NPAS3: variants seen among roughly 807,000 people sequenced by gnomAD.
NPAS3 encodes the protein neuronal PAS domain-containing protein 3.
In NPAS3, 14 loss-of-function variants were observed where a neutral mutation model predicts 73.1. The observed-to-expected ratio is 0.19, with a 90% CI of 0.13 to 0.30. NPAS3 has a LOEUF of 0.30. NPAS3 is among the 10% of genes least tolerant of loss of function. The pLI is 1.00. For missense variants in NPAS3, 1,096 were observed against 1,250.0 expected, an observed-to-expected ratio of 0.88 and a Z score of 1.86; for synonymous variants, 620 against 541.5, an observed-to-expected ratio of 1.14 and a Z score of -2.01.
chr14:33,318,272 G>A (rs1258749025), intron 3 of NPAS3, among the ~76,000 whole-genome samples: 1 of 152,082 alleles, frequency 6.6e-6, no homozygotes, highest in Admixed American at 6.6e-5. Context: ...GATTTTGTCT[G>A]TATAAGGGAC....
intron 3 of NPAS3, among the ~76,000 whole-genome samples, chr14:33,301,334 T>A (rs977534203): frequency 1.1e-4 from 8 of 75,196 alleles, no homozygotes; most frequent in Non-Finnish European, 1.9e-4. Flanking sequence ...TTTTTTTTTT[T>A]AAATCTAGCT....
rs951929096 is a variant in NPAS3, at chr14:33,343,043, C to T, written c.386-24143C>T. ...CTCTTCTAATCTTCTCCCTGGATTT[C>T]TATCTTCAATTCCATTTCAGACAGT... On this transcript the variant is annotated intron_variant, in intron 3 of 11. Transcript: ENST00000356141. Among the ~76,000 whole-genome samples, 5 of 152,202 alleles carry T rather than the reference C, an allele frequency of 3.3e-5. No individual in the cohort carries two copies. In the East Asian group the frequency reaches 7.7e-4, roughly 23 times the overall value.
At chr14:32,975,944 C>A (rs895756542) in intron 1 of NPAS3, among the ~76,000 whole-genome samples, 3 of 151,746 alleles carry the variant, frequency 2.0e-5, no homozygotes, top group African/African-American at 7.3e-5. Flanking sequence ...CTGAACCACC[C>A]TAACCTTAGA....
intron 3 of NPAS3, among the ~76,000 whole-genome samples, chr14:33,292,560 A>G (rs2042143392): frequency 1.3e-5 from 2 of 152,098 alleles, no homozygotes; most frequent in Admixed American, 6.6e-5. Context: ...TGTTTTACAG[A>G]AAAAAAATTT....
chr14:33,487,134 C>T (rs2051645915), intron 4 of NPAS3, among the ~76,000 whole-genome samples: 1 of 152,116 alleles, frequency 6.6e-6, no homozygotes. Flanking sequence ...TTTCAGACTT[C>T]TTGGCCAGGG....
intron 4 of NPAS3, among the ~76,000 whole-genome samples, chr14:33,500,209 T>C (rs1447907005): frequency 6.6e-6 from 1 of 151,832 alleles, no homozygotes; most frequent in Non-Finnish European, 1.5e-5. Context: ...AGAAATGCAA[T>C]ACCACGTAAA....
chr14:33,118,768 T>C (rs116282885), intron 2 of NPAS3, among the ~76,000 whole-genome samples: 2,107 of 152,146 alleles, frequency 0.014, 54 homozygotes, highest in African/African-American at 0.048. Flanking sequence ...TGCTGTGGAT[T>C]TGAAAATAAG....
chr14:33,605,253 G>A (rs2057519802), intron 5 of NPAS3, among the ~76,000 whole-genome samples: 1 of 151,886 alleles, frequency 6.6e-6, no homozygotes, highest in Non-Finnish European at 1.5e-5. Flanking sequence ...CATACTCAGT[G>A]GTGAAAAACG....
chr14:33,422,675 A>G (rs1005759086), intron 4 of NPAS3, among the ~76,000 whole-genome samples: 5 of 151,982 alleles, frequency 3.3e-5, no homozygotes, highest in African/African-American at 1.2e-4. Flanking sequence ...GTAAGAGTAG[A>G]CACTCAAAAT....
rs546196838 is a variant in NPAS3, at chr14:33,460,385, A to G, written c.468+93117A>G. ...GGCTACCAACATTAAAAGAAGTACT[A>G]TAACTCCAAGTTTCTGTCTCTGTTT... On this transcript the variant is annotated intron_variant, in intron 4 of 11. Transcript: ENST00000356141. Among the ~76,000 whole-genome samples the G allele has an allele frequency of 2.6e-5, 4 of 152,304 alleles. No individual in the cohort carries two copies. The South Asian group carries it at 8.3e-4, about 32-fold the overall frequency.
chr14:33,641,464 CTCTTAAGTTTG>C (rs1356790940), intron 5 of NPAS3, among the ~76,000 whole-genome samples: 1 of 152,156 alleles, frequency 6.6e-6, no homozygotes, highest in African/African-American at 2.4e-5. Flanking sequence ...CAAAATTTAA[CTCTTAAGTTTG>C]TCATGTAACA....
At chr14:33,187,770 A>G (rs531642310) in intron 2 of NPAS3, among the ~76,000 whole-genome samples, 5 of 152,160 alleles carry the variant, frequency 3.3e-5, no homozygotes, top group African/African-American at 9.6e-5. Flanking sequence ...AGATTATTAA[A>G]TTAATATCTA....
At chr14:32,936,543 TCTGGCGGTCACTTTAA>T (rs2138998866), upstream of NPAS3, among the ~76,000 whole-genome samples, 1 of 152,286 alleles carries the variant, frequency 6.6e-6, no homozygotes, top group East Asian at 1.9e-4. Context: ...GACAATAGTA[TCTGGCGGTCACTTTAA>T]CTAGGAAGTG....
upstream of NPAS3, among the ~76,000 whole-genome samples, chr14:32,936,884 C>T (rs1287278374): frequency 6.6e-6 from 1 of 151,580 alleles, no homozygotes. Flanking sequence ...TGAATTTGGG[C>T]ACCTTATGAA....
chr14:33,055,791 G>GGTGGT, intron 1 of NPAS3, 114 bp from the exon 2 acceptor site: 1 of 448,176 alleles, frequency 2.2e-6, no homozygotes, highest in East Asian at 3.6e-5. Context: ...TGTGTGTAGA[G>GGTGGT]CTCAAAAGCG....
chr14:33,671,920 G>T (rs1428348981), intron 5 of NPAS3, among the ~76,000 whole-genome samples: 2 of 152,154 alleles, frequency 1.3e-5, no homozygotes, highest in African/African-American at 4.8e-5. Context: ...ATTGGAGGGG[G>T]GAAAGCTCTA....
Position 33,800,078 on chromosome 14 carries a change from G to A in NPAS3, c.1771G>A (p.Ala591Thr), listed in dbSNP as rs993224338. The change falls in exon 12 of 12, where the codon GCG (alanine) becomes ACG (threonine). Residue 591 changes from alanine to threonine, a missense_variant. Ala to Thr is a moderately conservative substitution (Grantham distance 58, BLOSUM62 0). Around this residue, in one of 5 missense-constraint regions of NPAS3, gnomAD observed 698 missense variants for 676.7 expected, o/e 1.03. Transcript: ENST00000356141. The surrounding 1 kb of genome is among the most constrained non-coding windows in gnomAD (Gnocchi z 6.5). ...CTCGGACAGCGCAGGCGAGGCGGGC[G>A]CGCAGGCCTCCAGCAAGCACCAGAA... 1.9e-6 allele frequency: 3 copies of A among 1,597,110 alleles called. No homozygotes were observed. The highest frequency in any genetic ancestry group is 2.3e-5 in the East Asian group (1 of 44,440).
chr14:33,342,197 C>T (rs926051203), intron 3 of NPAS3, among the ~76,000 whole-genome samples: 3 of 152,160 alleles, frequency 2.0e-5, no homozygotes, highest in African/African-American at 7.2e-5. Context: ...GGAGAAAGAG[C>T]TTGTGGAAGC....
At chr14:33,188,135 G>A (rs760816444) in intron 2 of NPAS3, among the ~76,000 whole-genome samples, 7 of 152,168 alleles carry the variant, frequency 4.6e-5, no homozygotes, top group Non-Finnish European at 7.3e-5. Flanking sequence ...TCCTAATGTC[G>A]CTGTGAGGAT....
Sources: gnomAD v4.1 joint callset for allele counts (sites outside exome capture counted in the v4.1 genomes callset) on GRCh38, gnomAD v4.1.1 for gene constraint, gnomAD v4.1.1 regional missense constraint, Gnocchi (gnomAD v3.1) non-coding constraint, MANE v1.5 for transcripts, NCBI Gene and HGNC (gene_info 2026-07-23, HGNC 2026-07-21) for gene names.